Variants in AUH observed in about 807,000 individuals in gnomAD.
AUH encodes methylglutaconyl-CoA hydratase, mitochondrial.
In AUH, 29 loss-of-function variants were observed where a neutral mutation model predicts 42.3. The observed-to-expected ratio is 0.69, with a 90% CI of 0.51 to 0.93. The LOEUF (loss-of-function observed/expected upper bound fraction) is 0.93. AUH is among the 40% of genes least tolerant of loss of function. The pLI, the probability that AUH is intolerant of heterozygous loss-of-function variation, is 0.00. For missense variants in AUH, 452 were observed against 438.1 expected, an observed-to-expected ratio of 1.03 and a Z score of -0.28; for synonymous variants, 174 against 166.4, an observed-to-expected ratio of 1.05 and a Z score of -0.35.
chr9:91,320,318 T>C (rs148563512), intron 4 of AUH, among the ~76,000 whole-genome samples: 66 of 152,298 alleles, frequency 4.3e-4, no homozygotes, highest in African/African-American at 1.5e-3. Flanking sequence ...TCTATACTTG[T>C]GGATGAACTG....
At chr9:91,306,601 A>C (rs916507452) in intron 4 of AUH, among the ~76,000 whole-genome samples, 17 of 152,038 alleles carry the variant, frequency 1.1e-4, no homozygotes, top group African/African-American at 3.9e-4. Flanking sequence ...ATAAATGTAG[A>C]CTCCCAGGTC....
intron 3 of AUH, among the ~76,000 whole-genome samples, chr9:91,337,233 T>G (rs999846464): frequency 1.3e-5 from 2 of 152,226 alleles, no homozygotes; most frequent in South Asian, 4.1e-4. Flanking sequence ...ATGAATTAAT[T>G]AATGAAATTC....
chr9:91,300,256 C>A (rs1273365364), intron 4 of AUH, among the ~76,000 whole-genome samples: 1 of 152,090 alleles, frequency 6.6e-6, no homozygotes, highest in Non-Finnish European at 1.5e-5. Flanking sequence ...CAACTTTTAC[C>A]ACCTATACTA....
chr9:91,267,421 C>T (rs1159717639), intron 6 of AUH, among the ~76,000 whole-genome samples: 1 of 152,162 alleles, frequency 6.6e-6, no homozygotes, highest in Non-Finnish European at 1.5e-5. Flanking sequence ...TTCATTTTCA[C>T]CATTCACCTG....
At chr9:91,289,392 GAA>G (rs1826675545) in intron 6 of AUH, among the ~76,000 whole-genome samples, 1 of 152,114 alleles carries the variant, frequency 6.6e-6, no homozygotes, top group South Asian at 2.1e-4. Context: ...TGCTCATCTG[GAA>G]AAGAGGAAGA....
chr9:91,279,840 T>A (rs888440612), intron 6 of AUH, among the ~76,000 whole-genome samples: 1 of 152,220 alleles, frequency 6.6e-6, no homozygotes, highest in Non-Finnish European at 1.5e-5. Flanking sequence ...CTTATTCGAC[T>A]CCACAGGTAG....
chr9:91,304,221 G>A (rs1828038029), intron 4 of AUH, among the ~76,000 whole-genome samples: 1 of 152,200 alleles, frequency 6.6e-6, no homozygotes, highest in Non-Finnish European at 1.5e-5. Context: ...ATTGCTGGAA[G>A]CTAGCATTCC....
At chr9:91,320,305 A>G (rs1337135206) in intron 4 of AUH, among the ~76,000 whole-genome samples, 1 of 152,176 alleles carries the variant, frequency 6.6e-6, no homozygotes, top group East Asian at 1.9e-4. Flanking sequence ...AAGACTCTGT[A>G]CTTCTATACT....
At chr9:91,227,179 C>T (rs1431186623) in intron 6 of AUH, among the ~76,000 whole-genome samples, 11 of 150,972 alleles carry the variant, frequency 7.3e-5, no homozygotes, top group Admixed American at 6.6e-4. Context: ...TCTTCCTACC[C>T]ATGAGCATGG....
At chr9:91,223,901 G>C (rs767071670) in intron 6 of AUH, among the ~76,000 whole-genome samples, 21 of 152,182 alleles carry the variant, frequency 1.4e-4, no homozygotes, top group Non-Finnish European at 2.8e-4. Flanking sequence ...AGGACCTTCA[G>C]GCCTTTCAAA....
At chr9:91,312,144 G>A (rs1828746504) in intron 4 of AUH, among the ~76,000 whole-genome samples, 1 of 151,956 alleles carries the variant, frequency 6.6e-6, no homozygotes, top group African/African-American at 2.4e-5. Flanking sequence ...ACTGCTTTCT[G>A]ATCTCTATTT....
At chr9:91,289,280 CATA>C (rs1264632698) in intron 6 of AUH, among the ~76,000 whole-genome samples, 1 of 152,184 alleles carries the variant, frequency 6.6e-6, no homozygotes, top group Non-Finnish European at 1.5e-5. Flanking sequence ...TTACTTTCTA[CATA>C]ATATTAAGAA....
chr9:91,246,219 C>G (rs1046680378), intron 6 of AUH, among the ~76,000 whole-genome samples: 18 of 152,190 alleles, frequency 1.2e-4, no homozygotes, highest in African/African-American at 4.3e-4. Flanking sequence ...CCAAAGCTCA[C>G]TCGCTGTGTA....
At chr9:91,220,772 T>C (rs756824566) in intron 7 of AUH, 33 bp downstream of exon 7, 2 of 1,610,856 alleles carry the variant, frequency 1.2e-6, no homozygotes, top group Non-Finnish European at 1.7e-6. Flanking sequence ...TTTCCTAAAA[T>C]GAGAAAAAAT....
intron 6 of AUH, among the ~76,000 whole-genome samples, chr9:91,227,817 G>GT (rs902637475): frequency 6.6e-4 from 92 of 140,392 alleles, no homozygotes; most frequent in African/African-American, 2.4e-3. Context: ...TAATCATGTG[G>GT]TTTTTGTCTT....
intron 4 of AUH, among the ~76,000 whole-genome samples, chr9:91,308,843 T>C (rs1828443144): frequency 6.6e-6 from 1 of 151,062 alleles, no homozygotes. Context: ...CAGGCTGAAG[T>C]GCAATGCCAC....
intron 6 of AUH, among the ~76,000 whole-genome samples, chr9:91,228,671 G>C (rs1295413585): frequency 6.8e-6 from 1 of 147,896 alleles, no homozygotes; most frequent in Admixed American, 6.7e-5. Flanking sequence ...GATCTTTCCT[G>C]CTTTCTCTTG....
chr9:91,361,493 AAGGGGAG>A, intron 1 of AUH, 128 bp downstream of exon 1: 2 of 1,261,170 alleles, frequency 1.6e-6, no homozygotes, highest in Non-Finnish European at 2.1e-6. Flanking sequence ...GGAGGTGAGA[AAGGGGAG>A]GGACCCAGGT....
chr9:91,278,305 C>T (rs1317431504), intron 6 of AUH, among the ~76,000 whole-genome samples: 4 of 152,156 alleles, frequency 2.6e-5, no homozygotes, highest in South Asian at 2.1e-4. Context: ...TAATCTTACG[C>T]GTAGCAAAAA....
Sources: allele counts gnomAD v4.1 joint callset (sites outside exome capture counted in the v4.1 genomes callset), GRCh38; gene constraint gnomAD v4.1.1; transcripts MANE v1.5; gene names NCBI Gene and HGNC (gene_info 2026-07-23, HGNC 2026-07-21).